AXDND1: variants seen among roughly 807,000 people sequenced by gnomAD.
AXDND1 encodes the protein axonemal dynein light chain domain containing 1, also known as axonemal dynein light chain domain-containing protein 1.
AXDND1 carries 110 observed loss-of-function variants against 137.5 expected under a neutral mutation model. The observed-to-expected ratio is 0.80, with a 90% CI of 0.69 to 0.94. AXDND1 has a LOEUF of 0.94. Ranked by LOEUF, AXDND1 falls within the 40% of genes least tolerant of loss-of-function variation. The pLI is 0.00. For synonymous variants in AXDND1, 414 were observed against 399.7 expected (o/e 1.04, Z -0.43); for missense variants, 1,191 against 1,169.8 (o/e 1.02, Z -0.26).
chr1:179,459,365 A>G (rs887083771), intron 16 of AXDND1, among the ~76,000 whole-genome samples: 3 of 152,180 alleles, frequency 2.0e-5, no homozygotes, highest in African/African-American at 7.2e-5. Context: ...ATACATTTTC[A>G]TAATATAATT....
At chr1:179,412,780 T>C (rs1654092605) in intron 12 of AXDND1, among the ~76,000 whole-genome samples, 1 of 152,204 alleles carries the variant, frequency 6.6e-6, no homozygotes, top group South Asian at 2.1e-4. Flanking sequence ...CTTTAAAATT[T>C]TTTTTCCCAC....
chr1:179,525,567 G>A, intron 22 of AXDND1, 120 bp downstream of exon 22: 3 of 1,223,218 alleles, frequency 2.5e-6, no homozygotes, highest in South Asian at 3.6e-5. Context: ...TATCATCATA[G>A]CTCACTGTAA....
At chr1:179,385,588 T>G (rs2125103415) in intron 9 of AXDND1, among the ~76,000 whole-genome samples, 1 of 152,298 alleles carries the variant, frequency 6.6e-6, no homozygotes, top group Admixed American at 6.5e-5. Context: ...CTGATGCAGA[T>G]CAAGAGAAAG....
intron 12 of AXDND1, among the ~76,000 whole-genome samples, chr1:179,419,352 CT>C (rs1655284558): frequency 6.6e-6 from 1 of 151,926 alleles, no homozygotes; most frequent in East Asian, 1.9e-4. Flanking sequence ...GAGACTCTGT[CT>C]GCAATCCCGG....
intron 23 of AXDND1, among the ~76,000 whole-genome samples, chr1:179,530,856 A>G (rs932293993): frequency 6.6e-6 from 1 of 152,192 alleles, no homozygotes; most frequent in South Asian, 2.1e-4. Flanking sequence ...GAATGGGATC[A>G]TGTAACTTCC....
chr1:179,481,670 C>T (rs1056497183), intron 17 of AXDND1, among the ~76,000 whole-genome samples: 4 of 152,160 alleles, frequency 2.6e-5, no homozygotes, highest in Admixed American at 6.5e-5. Context: ...TTTTAATGAT[C>T]GCCATTCTAA....
intron 15 of AXDND1, 149 bp from the exon 16 acceptor site, chr1:179,444,821 A>G: frequency 6.7e-6 from 3 of 444,528 alleles, no homozygotes; most frequent in Non-Finnish European, 7.9e-6. Context: ...AATAAGATAT[A>G]TGTCATATAC....
At chr1:179,493,350 T>A (rs959999666) in intron 20 of AXDND1, among the ~76,000 whole-genome samples, 3 of 152,256 alleles carry the variant, frequency 2.0e-5, no homozygotes, top group African/African-American at 7.2e-5. Context: ...TTATGCTTTT[T>A]AGTGCTGAGT....
chr1:179,445,040 T>C lies in AXDND1; in HGVS notation c.1634T>C (p.Ile545Thr). The change falls in exon 16 of 26, where the codon ATT (isoleucine) becomes ACT (threonine). Residue 545 changes from isoleucine (I) to threonine (T), a missense_variant. Ile to Thr is a moderately conservative substitution (Grantham distance 89). Coordinates refer to ENST00000367618, the MANE Select transcript of AXDND1 (RefSeq NM_144696.6). ...LLSKYDTLKI[I>T]KHLQENWADI... ...TCAAAATACGATACTCTCAAGATTA[T>C]TAAACATTTACAGGAAAACTGGGCA... 6.2e-7 allele frequency: 1 copy of C among 1,613,468 alleles called. No individual in the cohort carries two copies. The highest frequency in any genetic ancestry group is 8.5e-7 in the Non-Finnish European group (1 of 1,179,518).
At chr1:179,389,313 C>A in intron 9 of AXDND1, among the ~76,000 whole-genome samples, 1 of 152,158 alleles carries the variant, frequency 6.6e-6, no homozygotes, top group African/African-American at 2.4e-5. Flanking sequence ...ACATTTCATG[C>A]GTAGTCTTAT....
At chr1:179,514,598 G>C (rs1002092877) in intron 21 of AXDND1, among the ~76,000 whole-genome samples, 2 of 152,102 alleles carry the variant, frequency 1.3e-5, no homozygotes, top group Non-Finnish European at 2.9e-5. Context: ...CCAAGGTATA[G>C]TTTAAATCCA....
chr1:179,455,357 C>G (rs558042751), intron 16 of AXDND1: 2 of 149,292 alleles, frequency 1.3e-5, no homozygotes, highest in Non-Finnish European at 3.0e-5. Flanking sequence ...CTTTGAGAGG[C>G]CGAGGTGGGC....
intron 4 of AXDND1, among the ~76,000 whole-genome samples, chr1:179,374,989 A>G (rs1043098840): frequency 8.6e-5 from 13 of 152,004 alleles, no homozygotes; most frequent in Non-Finnish European, 1.8e-4. Context: ...TAAAAAATAA[A>G]TAAATAAAAT....
In AXDND1 at chr1:179,444,977, A is replaced by G; in HGVS notation, c.1571A>G (p.Asn524Ser). The change falls in exon 16 of 26, where the codon AAT becomes AGT. Residue 524 changes from asparagine to serine, a missense_variant. Transcript: ENST00000367618. ...CTTCCTTTCACTCTTTAGATCCTGA[A>G]TGAGAAAAAAGAAGAGTTTACTGGG... Reference protein sequence around the residue: ...LDFKQWQKILNEKKEEFTGDV... With the variant: ...LDFKQWQKILSEKKEEFTGDV... 1 of 1,599,722 alleles carries G rather than the reference A, an allele frequency of 6.3e-7. No individual in the cohort carries two copies. Among genetic ancestry groups the G allele is most frequent in the Non-Finnish European group, 8.6e-7 (1 of 1,168,158 alleles).
chr1:179,533,123 C>T (rs41267596), intron 23 of AXDND1: 53,930 of 151,706 alleles, frequency 0.36, 9,697 homozygotes, highest in Middle Eastern at 0.45. Flanking sequence ...TACCTTATAC[C>T]TGACACTGCT....
intron 21 of AXDND1, among the ~76,000 whole-genome samples, chr1:179,523,189 A>G (rs546171113): frequency 3.1e-4 from 46 of 150,316 alleles, no homozygotes; most frequent in South Asian, 1.7e-3. Flanking sequence ...GAGGTTTGAA[A>G]ATCTATTATT....
intron 20 of AXDND1, 73 bp downstream of exon 20, chr1:179,493,024 A>T: frequency 2.0e-6 from 2 of 977,892 alleles, no homozygotes; most frequent in Non-Finnish European, 3.1e-6. Flanking sequence ...AGTTCAATTG[A>T]TGTACAACAA....
intron 6 of AXDND1, among the ~76,000 whole-genome samples, chr1:179,381,433 C>A (rs1453856235): frequency 6.7e-6 from 1 of 148,906 alleles, no homozygotes; most frequent in Admixed American, 6.7e-5. Flanking sequence ...AACCTCCGCC[C>A]CTTGGGTTCA....
intron 15 of AXDND1, among the ~76,000 whole-genome samples, chr1:179,438,164 A>G (rs1383602461): frequency 1.5e-5 from 2 of 133,314 alleles, no homozygotes; most frequent in African/African-American, 2.8e-5. Flanking sequence ...AAATAAGTAA[A>G]TAAATAAATA....
Sources: allele counts gnomAD v4.1 joint callset (sites outside exome capture counted in the v4.1 genomes callset), GRCh38; gene constraint gnomAD v4.1.1; transcripts MANE v1.5; gene names NCBI Gene and HGNC (gene_info 2026-07-23, HGNC 2026-07-21).